The following RELCH variants were observed in gnomAD, a reference collection of about 807,000 sequenced individuals.
RELCH encodes the protein RAB11 binding and LisH domain, coiled-coil and HEAT repeat containing.
RELCH carries 41 observed loss-of-function variants against 150.3 expected under a neutral mutation model. That is an observed-to-expected ratio of 0.27 (90% CI 0.21 to 0.35). The LOEUF (loss-of-function observed/expected upper bound fraction) is 0.35. RELCH is among the 10% of genes least tolerant of loss of function. The pLI is 1.00. For synonymous variants in RELCH, 478 were observed against 531.8 expected (o/e 0.90, Z 1.39); for missense variants, 1,092 against 1,467.8 (o/e 0.74, Z 4.18).
chr18:62,300,672 T>G (rs2045624002), intron 28 of RELCH: 1 of 152,174 alleles, frequency 6.6e-6, no homozygotes, highest in Non-Finnish European at 1.5e-5. Flanking sequence ...TTTAATTAAT[T>G]CAATTGGTTG....
At chr18:62,302,447 T>C (rs2045705429) in intron 28 of RELCH, among the ~76,000 whole-genome samples, 1 of 152,180 alleles carries the variant, frequency 6.6e-6, no homozygotes, top group Non-Finnish European at 1.5e-5. Flanking sequence ...CAGATGCATA[T>C]GGAAGAACTT....
chr18:62,258,186 A>C, intron 14 of RELCH, 98 bp downstream of exon 14: 1 of 1,150,452 alleles, frequency 8.7e-7, no homozygotes, highest in South Asian at 1.5e-5. Flanking sequence ...ATGTATCATA[A>C]GGATGGCAGG....
chr18:62,268,191 A>C (rs973509180), intron 19 of RELCH, among the ~76,000 whole-genome samples: 1 of 152,106 alleles, frequency 6.6e-6, no homozygotes, highest in Non-Finnish European at 1.5e-5. Context: ...ATGATCAGTA[A>C]ATAAAAGCTG....
chr18:62,233,256 T>C (rs2041690752), intron 10 of RELCH, among the ~76,000 whole-genome samples: 1 of 151,738 alleles, frequency 6.6e-6, no homozygotes, highest in Non-Finnish European at 1.5e-5. Context: ...AATTTTTAGA[T>C]CAAAAAAATT....
intron 17 of RELCH, among the ~76,000 whole-genome samples, chr18:62,264,461 G>A (rs984037197): frequency 6.6e-6 from 1 of 152,040 alleles, no homozygotes; most frequent in Non-Finnish European, 1.5e-5. Context: ...TGAAGCATCA[G>A]ATCCATAGAT....
intron 1 of RELCH, among the ~76,000 whole-genome samples, chr18:62,203,221 G>T (rs556775172): frequency 6.6e-6 from 1 of 152,322 alleles, no homozygotes; most frequent in Admixed American, 6.5e-5. Flanking sequence ...ACTTTGGGAG[G>T]CCGAGGCAGG....
chr18:62,210,674 T>C (rs2040099471), intron 1 of RELCH, among the ~76,000 whole-genome samples: 1 of 152,248 alleles, frequency 6.6e-6, no homozygotes, highest in Non-Finnish European at 1.5e-5. Flanking sequence ...TTTACCATTA[T>C]GTCCTGGTAT....
Position 62,211,250 on chromosome 18 carries a change from A to G in RELCH, c.616+8A>G. 1 of 1,525,672 alleles carries G rather than the reference A, an allele frequency of 6.6e-7. No individual in the cohort carries two copies. Among genetic ancestry groups the G allele is most frequent in the Non-Finnish European group, 9.1e-7 (1 of 1,102,578 alleles). The allele number at this position is 1,525,672 out of a possible 1,614,324, so 94.5% of individuals were successfully genotyped here. A position where few individuals can be genotyped will look rare whatever the true frequency, so the allele number is the denominator to read the frequency against. ...CAGATGAAAAAGTGGCAGGTGAGTA[A>G]AATTGTAAGGACAGATTTGGATTCT... On this transcript the variant is annotated splice_region_variant and intron_variant, in intron 2 of 28. Coordinates refer to ENST00000644646, the MANE Select transcript of RELCH (RefSeq NM_001346231.2).
intron 11 of RELCH, among the ~76,000 whole-genome samples, chr18:62,249,409 A>G (rs1216066910): frequency 6.6e-6 from 1 of 152,182 alleles, no homozygotes; most frequent in East Asian, 1.9e-4. Context: ...CAGCCCTAAC[A>G]TGCAAGTCAA....
intron 25 of RELCH, among the ~76,000 whole-genome samples, chr18:62,284,796 G>A (rs2044705326): frequency 6.6e-6 from 1 of 152,048 alleles, no homozygotes; most frequent in African/African-American, 2.4e-5. Context: ...TCTTTCAGTG[G>A]CCCTTGTTCT....
intron 1 of RELCH, among the ~76,000 whole-genome samples, chr18:62,203,539 TGAA>T (rs1002080189): frequency 6.6e-6 from 1 of 152,156 alleles, no homozygotes; most frequent in African/African-American, 2.4e-5. Flanking sequence ...GTTAAATTGG[TGAA>T]GATTAAAAAT....
At chr18:62,216,559 CAT>C (rs1174729985) in intron 2 of RELCH, among the ~76,000 whole-genome samples, 3 of 151,842 alleles carry the variant, frequency 2.0e-5, no homozygotes, top group South Asian at 4.2e-4. Flanking sequence ...AGATTTATCA[CAT>C]GTCACATCAA....
intron 11 of RELCH, chr18:62,246,086 C>T (rs1430807697): frequency 6.6e-6 from 1 of 152,164 alleles, no homozygotes; most frequent in East Asian, 1.9e-4. Flanking sequence ...AGCCCAACTT[C>T]ATCTGCCTGT....
chr18:62,213,107 AG>A (rs1168547633), intron 2 of RELCH, among the ~76,000 whole-genome samples: 1 of 152,152 alleles, frequency 6.6e-6, no homozygotes, highest in Non-Finnish European at 1.5e-5. Context: ...TTCAAATTTT[AG>A]GATGAATTTA....
At chr18:62,270,503 C>A (rs566898411) in intron 20 of RELCH, among the ~76,000 whole-genome samples, 22 of 152,242 alleles carry the variant, frequency 1.4e-4, no homozygotes, top group African/African-American at 4.3e-4. Context: ...GGATAAAGCA[C>A]TTTTAGAAGT....
At chr18:62,304,111 T>C (rs988727776) in intron 28 of RELCH, among the ~76,000 whole-genome samples, 1 of 152,212 alleles carries the variant, frequency 6.6e-6, no homozygotes, top group Non-Finnish European at 1.5e-5. Context: ...GAGAGTTATT[T>C]CTAAAGTTAG....
chr18:62,271,325 C>T (rs1021685172), intron 20 of RELCH, among the ~76,000 whole-genome samples: 1 of 152,196 alleles, frequency 6.6e-6, no homozygotes, highest in African/African-American at 2.4e-5. Context: ...TTTTGATTTG[C>T]ACTTCTCTGA....
At chr18:62,202,567 T>A (rs1270424664) in intron 1 of RELCH, among the ~76,000 whole-genome samples, 1 of 152,130 alleles carries the variant, frequency 6.6e-6, no homozygotes, top group African/African-American at 2.4e-5. Context: ...TAGAAAAAAT[T>A]AGAAAATATA....
intron 12 of RELCH, among the ~76,000 whole-genome samples, chr18:62,253,087 TG>T (rs2042809680): frequency 6.6e-6 from 1 of 152,082 alleles, no homozygotes; most frequent in African/African-American, 2.4e-5. Context: ...ATTTATATTA[TG>T]AAGAAGAAAA....
Sources: gnomAD v4.1 joint callset for allele counts (sites outside exome capture counted in the v4.1 genomes callset) on GRCh38, gnomAD v4.1.1 for gene constraint, MANE v1.5 for transcripts, NCBI Gene and HGNC (gene_info 2026-07-23, HGNC 2026-07-21) for gene names.